The following ZNF718 variants were observed in gnomAD, a reference collection of about 807,000 sequenced individuals.
The protein encoded by ZNF718 is zinc finger protein 718.
ZNF718 carries 3 observed loss-of-function variants against 2.6 expected under a neutral mutation model. That is an observed-to-expected ratio of 1.16 (90% CI 0.53 to 3.01). The LOEUF (loss-of-function observed/expected upper bound fraction) is 3.01. Among genes scored for constraint, ZNF718 ranks in the 30% most tolerant of loss-of-function variants. The pLI, the probability that ZNF718 is intolerant of heterozygous loss-of-function variation, is 0.03. For missense variants in ZNF718, 468 were observed against 230.0 expected, an observed-to-expected ratio of 2.03 and a Z score of -6.69; for synonymous variants, 135 against 77.9, an observed-to-expected ratio of 1.73 and a Z score of -3.86.
intron 3 of ZNF718, among the ~76,000 whole-genome samples, chr4:172,317 T>C (rs1208737322): frequency 6.6e-6 from 1 of 152,246 alleles, no homozygotes; most frequent in African/African-American, 2.4e-5. Flanking sequence ...TATTACCAAG[T>C]AGTATTTCAT....
chr4:133,836 G>C (rs531149231), intron 3 of ZNF718, among the ~76,000 whole-genome samples: 2 of 152,262 alleles, frequency 1.3e-5, no homozygotes, highest in South Asian at 4.1e-4. Context: ...ATAATGATTT[G>C]ATATGTATAT....
chr4:153,190 A>G (rs900183192), intron 3 of ZNF718, among the ~76,000 whole-genome samples: 12 of 141,350 alleles, frequency 8.5e-5, no homozygotes, highest in East Asian at 2.2e-4. Context: ...TCTTTCTCCA[A>G]TGTGTGTTCT....
intron 3 of ZNF718, among the ~76,000 whole-genome samples, chr4:144,129 T>A (rs1344497338): frequency 1.3e-5 from 2 of 152,198 alleles, no homozygotes; most frequent in Admixed American, 6.5e-5. Flanking sequence ...ATACTCTAGG[T>A]GGTATTTAAG....
At chr4:198,610 A>T (rs1381058773) in intron 3 of ZNF718, among the ~76,000 whole-genome samples, 4 of 152,184 alleles carry the variant, frequency 2.6e-5, no homozygotes, top group Non-Finnish European at 5.9e-5. Flanking sequence ...AGGATTTGAC[A>T]TCACCTTATT....
At chr4:186,601 A>T (rs1717570164) in intron 3 of ZNF718, among the ~76,000 whole-genome samples, 1 of 151,806 alleles carries the variant, frequency 6.6e-6, no homozygotes, top group South Asian at 2.1e-4. Flanking sequence ...GGTTTTGTTC[A>T]TTCCTTTTCA....
downstream of ZNF718, among the ~76,000 whole-genome samples, chr4:164,310 T>G (rs532941661): frequency 3.3e-5 from 5 of 152,082 alleles, no homozygotes; most frequent in Non-Finnish European, 7.4e-5. Flanking sequence ...GTTTGGAAAT[T>G]TGTACCTATT....
At chr4:184,295 T>C (rs1184674618) in intron 3 of ZNF718, among the ~76,000 whole-genome samples, 1 of 152,180 alleles carries the variant, frequency 6.6e-6, no homozygotes, top group African/African-American at 2.4e-5. Flanking sequence ...GTTGTGTTTA[T>C]GTGATGAACC....
At chr4:150,939 G>C (rs370418854) in intron 3 of ZNF718, among the ~76,000 whole-genome samples, 4 of 152,018 alleles carry the variant, frequency 2.6e-5, no homozygotes, top group Non-Finnish European at 5.9e-5. Flanking sequence ...TCTAGGTGAT[G>C]AGTCAAAGAA....
chr4:147,309 A>C lies in ZNF718; in HGVS notation c.227-13603A>C, dbSNP rs1323418976. On this transcript the variant is annotated intron_variant, in intron 3 of 3. Transcript: ENST00000510175. ...TGGTGTTATATTTGCCTGATCCTTC[A>C]TGATCCATTAAGGATGTCCTTGCGT... Among the ~76,000 whole-genome samples, 5 of 152,328 alleles carry C rather than the reference A, an allele frequency of 3.3e-5. 1 individual carries two copies. Among genetic ancestry groups the C allele is most frequent in the African/African-American group, 1.2e-4 (5 of 41,578 alleles).
intron 3 of ZNF718, among the ~76,000 whole-genome samples, chr4:175,501 T>C (rs1553818929): frequency 6.6e-6 from 1 of 152,204 alleles, no homozygotes; most frequent in African/African-American, 2.4e-5. Context: ...TACCTTAAAG[T>C]AGGGCAATCC....
chr4:173,864 G>T (rs756532962), intron 3 of ZNF718, among the ~76,000 whole-genome samples: 1 of 152,112 alleles, frequency 6.6e-6, no homozygotes, highest in Non-Finnish European at 1.5e-5. Flanking sequence ...TGCAGCTAGG[G>T]GACTGTACCA....
chr4:152,696 T>A (rs988417071), intron 3 of ZNF718, among the ~76,000 whole-genome samples: 1 of 152,138 alleles, frequency 6.6e-6, no homozygotes, highest in Non-Finnish European at 1.5e-5. Flanking sequence ...TGATCTCTCT[T>A]GCTTTTCCCC....
intron 3 of ZNF718, among the ~76,000 whole-genome samples, chr4:169,762 C>T (rs1287529295): frequency 6.6e-6 from 1 of 152,092 alleles, no homozygotes; most frequent in Admixed American, 6.6e-5. Context: ...AGATGGGTTT[C>T]CTGAATGCAG....
At chr4:198,746 T>C (rs1157324021) in intron 3 of ZNF718, among the ~76,000 whole-genome samples, 5 of 152,226 alleles carry the variant, frequency 3.3e-5, no homozygotes, top group Non-Finnish European at 7.3e-5. Context: ...AGAATGCTGC[T>C]GGAGGATTCC....
At chr4:140,000 C>T (rs1715741187) in intron 3 of ZNF718, among the ~76,000 whole-genome samples, 1 of 152,002 alleles carries the variant, frequency 6.6e-6, no homozygotes. Context: ...AATTGCCCTG[C>T]CCAGAAGGGG....
intron 3 of ZNF718, among the ~76,000 whole-genome samples, chr4:171,424 G>C (rs1391558719): frequency 1.3e-5 from 2 of 152,142 alleles, no homozygotes; most frequent in Non-Finnish European, 2.9e-5. Flanking sequence ...TTGTTTGGCT[G>C]TGCCCTGCCC....
At chr4:155,930 G>C (rs1261397926) in intron 3 of ZNF718, among the ~76,000 whole-genome samples, 1 of 152,092 alleles carries the variant, frequency 6.6e-6, no homozygotes, top group Non-Finnish European at 1.5e-5. Flanking sequence ...ATTGAATCAG[G>C]GCAGTGGTTT....
Position 181,158 on chromosome 4 carries a change from CTTTTTTTTTTTTTT to C in ZNF718, c.227-19909_227-19896del, listed in dbSNP as rs782164295. 1.6e-4 allele frequency among the ~76,000 whole-genome samples: 8 copies of C among 51,086 alleles called. No homozygotes were observed. The East Asian group carries it at 3.9e-3, about 25-fold the overall frequency. The allele number at this position is 51,086 out of a possible 152,430, so 33.5% of individuals were successfully genotyped here. On this transcript the variant is annotated intron_variant and NMD_transcript_variant, in intron 3 of 4. Coordinates refer to the ZNF718 transcript ENST00000642529. ...TACAGGCCTGTGCCCCAGTGCCCAG[CTTTTTTTTTTTTTT>C]TTTTTTTTTTTTTCGTAGACATGAA...
chr4:129,777 T>A lies in ZNF718; in HGVS notation c.4-1011T>A, dbSNP rs1207409279. ...ATATTGAGCTATTATTCTACGCATTTAAAAAAAAAAACAATGATAAGAAAA... is the reference window on the plus strand; with the variant it reads ...ATATTGAGCTATTATTCTACGCATTAAAAAAAAAAAACAATGATAAGAAAA... On this transcript the variant is annotated intron_variant, in intron 1 of 3. Coordinates refer to ENST00000510175, the MANE Select transcript of ZNF718 (RefSeq NM_001039127.6). Among the ~76,000 whole-genome samples the A allele has an allele frequency of 1.4e-4, 13 of 92,520 alleles. 5 individuals carry two copies. The highest frequency in any genetic ancestry group is 1.9e-4 in the African/African-American group (5 of 26,564). 60.7% of individuals were successfully genotyped at this position (92,520 alleles called of 152,430 possible).
Sources: allele counts gnomAD v4.1 joint callset (sites outside exome capture counted in the v4.1 genomes callset), GRCh38; gene constraint gnomAD v4.1.1; transcripts MANE v1.5; gene names NCBI Gene and HGNC (gene_info 2026-07-23, HGNC 2026-07-21).